The following KCNK13 variants were observed in gnomAD, a reference collection of about 807,000 sequenced individuals.
KCNK13 encodes the protein potassium two pore domain channel subfamily K member 13.
A neutral mutation model predicts 23.4 loss-of-function variants in KCNK13; 12 were observed. That is an observed-to-expected ratio of 0.51 (90% CI 0.33 to 0.83). KCNK13 has a LOEUF of 0.83. KCNK13 is among the 40% of genes least tolerant of loss of function. The pLI is 0.02. For synonymous variants in KCNK13, 231 were observed against 229.5 expected (o/e 1.01, Z -0.06); for missense variants, 463 against 556.3 (o/e 0.83, Z 1.69).
At chr14:90,071,852 C>T (rs975255113) in intron 1 of KCNK13, among the ~76,000 whole-genome samples, 2 of 151,410 alleles carry the variant, frequency 1.3e-5, no homozygotes, top group Non-Finnish European at 2.9e-5. Flanking sequence ...GAGCCGAGAT[C>T]GCACCACTGC....
intron 1 of KCNK13, among the ~76,000 whole-genome samples, chr14:90,130,423 C>T (rs181675122): frequency 1.5e-3 from 226 of 151,912 alleles, no homozygotes; most frequent in African/African-American, 4.8e-3. Context: ...TGGTCTTGAA[C>T]TCCTTATCTC....
At chr14:90,088,114 C>A (rs1036119231) in intron 1 of KCNK13, among the ~76,000 whole-genome samples, 1 of 152,106 alleles carries the variant, frequency 6.6e-6, no homozygotes, top group Non-Finnish European at 1.5e-5. Flanking sequence ...GCGGTTCTTA[C>A]ACCTCAGCCT....
At chr14:90,064,367 G>A (rs1037200245) in intron 1 of KCNK13, among the ~76,000 whole-genome samples, 1 of 149,374 alleles carries the variant, frequency 6.7e-6, no homozygotes, top group Non-Finnish European at 1.5e-5. Flanking sequence ...GGAAGGAGCA[G>A]AGTGTGTGTG....
At chr14:90,115,994 G>GTGTT (rs1180070140) in intron 1 of KCNK13, among the ~76,000 whole-genome samples, 2 of 152,176 alleles carry the variant, frequency 1.3e-5, no homozygotes, top group African/African-American at 4.8e-5. Flanking sequence ...GTTTCTTTGT[G>GTGTT]TGTTTGTTTG....
At chr14:90,092,185 T>G (rs1052535271) in intron 1 of KCNK13, among the ~76,000 whole-genome samples, 31 of 152,130 alleles carry the variant, frequency 2.0e-4, no homozygotes, top group South Asian at 1.0e-3. Context: ...GCCTCCCAAA[T>G]TGCTGGGATT....
At chr14:90,134,070 C>G (rs1889906756) in intron 1 of KCNK13, among the ~76,000 whole-genome samples, 1 of 152,100 alleles carries the variant, frequency 6.6e-6, no homozygotes, top group Non-Finnish European at 1.5e-5. Context: ...TCCTTTGGCA[C>G]TAGAATCAAA....
chr14:90,112,913 ATTT>A (rs200299000), intron 1 of KCNK13, among the ~76,000 whole-genome samples: 7 of 139,118 alleles, frequency 5.0e-5, no homozygotes, highest in Admixed American at 7.3e-5. Context: ...TGTTGAAAAG[ATTT>A]TTTTTTTTTT....
At chr14:90,090,368 A>G (rs1889330484) in intron 1 of KCNK13, among the ~76,000 whole-genome samples, 1 of 152,224 alleles carries the variant, frequency 6.6e-6, no homozygotes, top group Admixed American at 6.5e-5. Flanking sequence ...TGGGGCCTGT[A>G]ACCCCTTTAT....
At chr14:90,121,428 G>A (rs182346492) in intron 1 of KCNK13, among the ~76,000 whole-genome samples, 5 of 152,302 alleles carry the variant, frequency 3.3e-5, no homozygotes, top group African/African-American at 7.2e-5. Context: ...TTGTTACGCC[G>A]TGGCAATGTC....
At chr14:90,183,257 C>T (rs1419571759) in intron 1 of KCNK13, among the ~76,000 whole-genome samples, 1 of 152,150 alleles carries the variant, frequency 6.6e-6, no homozygotes, top group Non-Finnish European at 1.5e-5. Flanking sequence ...TGTTATTATT[C>T]CAAAAGCATG....
intron 1 of KCNK13, among the ~76,000 whole-genome samples, chr14:90,172,607 G>C (rs1874046656): frequency 6.8e-6 from 1 of 146,528 alleles, no homozygotes; most frequent in South Asian, 2.2e-4. Context: ...TCAGTGTAAA[G>C]TGTTACACTG....
intron 1 of KCNK13, chr14:90,107,622 C>T: frequency 1.7e-6 from 1 of 580,742 alleles, no homozygotes; most frequent in Non-Finnish European, 3.2e-6. Context: ...GCTCAATACT[C>T]ATGCAATACC....
chr14:90,174,349 G>A (rs1279699893), intron 1 of KCNK13, among the ~76,000 whole-genome samples: 6 of 151,950 alleles, frequency 3.9e-5, no homozygotes, highest in Non-Finnish European at 8.8e-5. Context: ...AAAACCATCA[G>A]ATCTCATGAG....
intron 1 of KCNK13, among the ~76,000 whole-genome samples, chr14:90,068,665 T>G (rs764911711): frequency 3.9e-5 from 6 of 152,130 alleles, no homozygotes; most frequent in Admixed American, 1.3e-4. Context: ...AGAATCAAAG[T>G]CTGTGCTTTA....
intron 1 of KCNK13, among the ~76,000 whole-genome samples, chr14:90,091,705 G>A (rs1328730920): frequency 2.0e-5 from 3 of 151,824 alleles, no homozygotes; most frequent in Non-Finnish European, 4.4e-5. Flanking sequence ...CCCTCTTCTC[G>A]GTGGGGTAGA....
chr14:90,070,429 C>T (rs964923343), intron 1 of KCNK13, among the ~76,000 whole-genome samples: 4 of 152,158 alleles, frequency 2.6e-5, no homozygotes, highest in Non-Finnish European at 4.4e-5. Context: ...CTGCTGGGAG[C>T]AGGGGGAATG....
intron 1 of KCNK13, among the ~76,000 whole-genome samples, chr14:90,099,975 C>CGCAGCTCTG (rs1420266543): frequency 1.1e-4 from 17 of 152,104 alleles, no homozygotes; most frequent in African/African-American, 3.9e-4. Flanking sequence ...CAACTAACCA[C>CGCAGCTCTG]GCAGCTCTGG....
chr14:90,090,503 A>G (rs11621559), intron 1 of KCNK13, among the ~76,000 whole-genome samples: 22,909 of 152,218 alleles, frequency 0.15, 2,146 homozygotes, highest in East Asian at 0.25. Flanking sequence ...CCTTGTCTCC[A>G]ATGAGATGTT....
At chr14:90,130,569 T>C (rs1302042861) in intron 1 of KCNK13, among the ~76,000 whole-genome samples, 1 of 151,146 alleles carries the variant, frequency 6.6e-6, no homozygotes, top group Admixed American at 6.6e-5. Context: ...TCTCAGCACT[T>C]TGGGAGGCCG....
Sources: allele counts gnomAD v4.1 joint callset (sites outside exome capture counted in the v4.1 genomes callset), GRCh38; gene constraint gnomAD v4.1.1; transcripts MANE v1.5; gene names NCBI Gene and HGNC (gene_info 2026-07-23, HGNC 2026-07-21).